The following LIG3 variants were observed in gnomAD, a reference collection of about 807,000 sequenced individuals.
LIG3 encodes the protein ligase II, DNA, ATP-dependent.
A neutral mutation model predicts 110.9 loss-of-function variants in LIG3; 58 were observed. The ratio of observed to expected loss-of-function variants is 0.52; its 90% CI spans 0.42 to 0.65. The LOEUF (loss-of-function observed/expected upper bound fraction) is 0.65, where lower values mean the gene tolerates loss of function less well. Among genes scored for constraint, LIG3 ranks in the 30% least tolerant of loss-of-function variants. The probability of loss-of-function intolerance (pLI) is 0.00; values close to 1 mark genes in which losing one functional copy is unlikely to be tolerated. For missense variants in LIG3, 1,094 were observed against 1,273.8 expected, an observed-to-expected ratio of 0.86 and a Z score of 2.15; for synonymous variants, 422 against 472.8, an observed-to-expected ratio of 0.89 and a Z score of 1.39.
At position 35,007,284 on chromosome 17, in the gene LIG3, T is replaced by G. The variant is rs1051009352; in HGVS notation, c.*2778T>G. On this transcript the variant is annotated 3_prime_UTR_variant, in exon 20 of 20. Transcript: ENST00000378526. ...TGCCTTAGTGTGTGTTATTGCCATT[T>G]CAATGTCAGTGGTTTTTTATGTATT... 5 of 152,286 alleles carry G rather than the reference T, an allele frequency of 3.3e-5. No individual in the cohort carries two copies. The highest frequency in any genetic ancestry group is 2.6e-4 in the Admixed American group (4 of 15,286). 9.4% of individuals were successfully genotyped at this position (152,286 alleles called of 1,614,324 possible).
At chr17:34,991,490 A>G in intron 5 of LIG3, 181 bp from the exon 6 acceptor site, 1 of 648,700 alleles carries the variant, frequency 1.5e-6, no homozygotes, top group South Asian at 2.0e-5. Flanking sequence ...TACCATGGCA[A>G]GTTTCCATCC....
intron 13 of LIG3, 32 bp downstream of exon 13, chr17:34,998,328 A>G: frequency 6.3e-7 from 1 of 1,575,010 alleles, no homozygotes; most frequent in Non-Finnish European, 8.7e-7. Flanking sequence ...TCTCCTGTCG[A>G]CTCACTCGCA....
Position 35,004,595 on chromosome 17 carries a change from A to AG in LIG3, c.*94dup. The AG allele has an allele frequency of 9.1e-7, 1 of 1,093,622 alleles. No homozygotes were observed. Among genetic ancestry groups the AG allele is most frequent in the Non-Finnish European group, 1.4e-6 (1 of 736,324 alleles). 67.7% of individuals were successfully genotyped at this position (1,093,622 alleles called of 1,614,324 possible). A position where few individuals can be genotyped will look rare whatever the true frequency, so the allele number is the denominator to read the frequency against. On this transcript the variant is annotated 3_prime_UTR_variant, in exon 20 of 20. Transcript: ENST00000378526. ...GGCTGGAGGCAGATAGACACAGTAT[A>AG]GGGGGAATGGGCTTGCTTCTCCCAA...
chr17:35,003,965 A>G, intron 19 of LIG3: 1 of 339,658 alleles, frequency 2.9e-6, no homozygotes, highest in Non-Finnish European at 5.6e-6. Flanking sequence ...GCACTGAGTC[A>G]GAGCCAGCTC....
chr17:34,996,735 G>C (rs985977226), intron 11 of LIG3, 82 bp downstream of exon 11: 15 of 1,242,850 alleles, frequency 1.2e-5, no homozygotes, highest in Non-Finnish European at 1.6e-5. Context: ...GGGGCTTCAG[G>C]TTGGAAAGGA....
intron 13 of LIG3, 128 bp from the exon 14 acceptor site, chr17:34,998,476 T>C: frequency 2.4e-6 from 3 of 1,249,826 alleles, no homozygotes; most frequent in Non-Finnish European, 3.4e-6. Flanking sequence ...CTATAGTGCC[T>C]GGAGCCTGAG....
rs540226513 is a variant in LIG3, at chr17:34,986,509, A to AT, written c.691+379dup. Among the ~76,000 whole-genome samples, 41 of 152,156 alleles carry AT rather than the reference A, an allele frequency of 2.7e-4. No individual in the cohort carries two copies. The East Asian group carries it at 5.6e-3, about 21-fold the overall frequency. On this transcript the variant is annotated intron_variant, in intron 3 of 19. Coordinates refer to ENST00000378526, the MANE Select transcript of LIG3 (RefSeq NM_013975.4). ...ACTAATTTTTGTATTTTTAGTAGAG[A>AT]TGGGGTTTCGCCACGTTGGCCAGGC...
chr17:34,991,528 G>A (rs1597794856), intron 5 of LIG3, 143 bp from the exon 6 acceptor site: 1 of 756,460 alleles, frequency 1.3e-6, no homozygotes, highest in East Asian at 2.6e-5. Flanking sequence ...ATGGGCTAGT[G>A]TCTCTAAGAA....
rs2090916721 is a variant in LIG3 at position 35,008,975 on chromosome 17, C to T, written c.*4469C>T. ...AGAGACAAGGTCTCACTACATTGCC[C>T]AGGTTGGTCTCAAACTCCTGAGCTC... On this transcript the variant is annotated 3_prime_UTR_variant, in exon 20 of 20. Coordinates refer to ENST00000378526, the MANE Select transcript of LIG3 (RefSeq NM_013975.4). 1 of 152,240 alleles carries T rather than the reference C, an allele frequency of 6.6e-6. No homozygotes were observed. Among genetic ancestry groups the T allele is most frequent in the Non-Finnish European group, 1.5e-5 (1 of 68,066 alleles). The allele number at this position is 152,240 out of a possible 1,614,324, so 9.4% of individuals were successfully genotyped here.
intron 2 of LIG3, among the ~76,000 whole-genome samples, chr17:34,984,089 T>G (rs2090632315): frequency 6.6e-6 from 1 of 152,226 alleles, no homozygotes; most frequent in African/African-American, 2.4e-5. Context: ...ATAATATAGC[T>G]ATCATCTTCA....
Position 35,005,449 on chromosome 17 carries a change from A to G in LIG3, c.*943A>G, listed in dbSNP as rs774306295. On this transcript the variant is annotated 3_prime_UTR_variant, in exon 20 of 20. Coordinates refer to ENST00000378526, the MANE Select transcript of LIG3 (RefSeq NM_013975.4). ...TCCTCATGACTGGAGGAATAATTAT[A>G]TGATATTGTTGAACCCCCAAGTATT... 7 of 560,428 alleles carry G rather than the reference A, an allele frequency of 1.2e-5. No individual in the cohort carries two copies. In the Middle Eastern group the frequency reaches 9.0e-4, roughly 72 times the overall value. The allele number at this position is 560,428 out of a possible 1,614,324, so 34.7% of individuals were successfully genotyped here. A position where few individuals can be genotyped will look rare whatever the true frequency, so the allele number is the denominator to read the frequency against.
At chr17:34,990,250 T>C (rs369610549) in intron 4 of LIG3, among the ~76,000 whole-genome samples, 53 of 152,336 alleles carry the variant, frequency 3.5e-4, no homozygotes, top group African/African-American at 1.3e-3. Context: ...TATATAGATA[T>C]CTTTTGGTCT....
intron 1 of LIG3, 131 bp downstream of exon 1, chr17:34,980,753 C>T (rs1012456724): frequency 1.4e-5 from 5 of 351,650 alleles, no homozygotes; most frequent in African/African-American, 6.6e-5. Flanking sequence ...TGCGGAGCCC[C>T]GGGGCACACC....
chr17:35,005,920 CAGAG>C lies in LIG3; in HGVS notation c.*1418_*1421del. The C allele has an allele frequency of 3.1e-6, 1 of 318,652 alleles. No homozygotes were observed. The highest frequency in any genetic ancestry group is 6.1e-6 in the Non-Finnish European group (1 of 164,486). The allele number at this position is 318,652 out of a possible 1,614,324, so 19.7% of individuals were successfully genotyped here. A position where few individuals can be genotyped will look rare whatever the true frequency, so the allele number is the denominator to read the frequency against. On this transcript the variant is annotated 3_prime_UTR_variant, in exon 20 of 20. Transcript: ENST00000378526. ...TCGGACTAGAATTTCTTCTTGGTATCAGAGAGACAAGTTTATCACAGTATTTTTT... is the reference window on the plus strand; with the variant it reads ...TCGGACTAGAATTTCTTCTTGGTATCAGACAAGTTTATCACAGTATTTTTT...
chr17:34,981,792 T>C (rs1349221820), intron 1 of LIG3, among the ~76,000 whole-genome samples: 1 of 152,230 alleles, frequency 6.6e-6, no homozygotes, highest in Admixed American at 6.5e-5. Flanking sequence ...ATAATTCCAG[T>C]ATACTTAAAA....
intron 17 of LIG3, 31 bp downstream of exon 17, chr17:35,001,434 C>T (rs753689751): frequency 4.4e-6 from 7 of 1,606,390 alleles, no homozygotes; most frequent in Admixed American, 1.7e-5. Context: ...TATGTATTCT[C>T]CACCCCACTG....
At chr17:34,993,044 G>A (rs1329944757) in intron 8 of LIG3, among the ~76,000 whole-genome samples, 7 of 152,088 alleles carry the variant, frequency 4.6e-5, no homozygotes, top group African/African-American at 9.7e-5. Flanking sequence ...ACCTGAAGAC[G>A]GATGTATTAA....
chr17:35,004,322 C>T lies in LIG3; in HGVS notation c.2846C>T (p.Thr949Ile), dbSNP rs775074898. 1.2e-6 allele frequency: 2 copies of T among 1,614,188 alleles called. No individual in the cohort carries two copies. Among genetic ancestry groups the T allele is most frequent in the East Asian group, 2.2e-5 (1 of 44,884 alleles). Reference protein sequence around the residue: ...TGVRLYLPPSTPDFSRLRRYF... With the variant: ...TGVRLYLPPSIPDFSRLRRYF... Reference sequence around the variant, plus strand: ...GTGCGGCTTTACTTGCCACCCTCCACACCAGACTTCAGCCGTCTCAGACGC... The same window carrying T: ...GTGCGGCTTTACTTGCCACCCTCCATACCAGACTTCAGCCGTCTCAGACGC... Residue 949 changes from threonine (T) to isoleucine (I), a missense_variant, in exon 20 of 20, where the codon ACA becomes ATA. Coordinates refer to ENST00000378526, the MANE Select transcript of LIG3 (RefSeq NM_013975.4).
intron 1 of LIG3, 38 bp from the exon 2 acceptor site, chr17:34,982,964 T>A: frequency 1.7e-5 from 1 of 57,538 alleles, no homozygotes; most frequent in South Asian, 4.6e-4. Flanking sequence ...TGTTTATATC[T>A]TTTTTTTTTT....
Sources: allele counts gnomAD v4.1 joint callset (sites outside exome capture counted in the v4.1 genomes callset), GRCh38; gene constraint gnomAD v4.1.1; transcripts MANE v1.5; gene names NCBI Gene and HGNC (gene_info 2026-07-23, HGNC 2026-07-21).